RP1: variants seen among roughly 807,000 people sequenced by gnomAD.
The protein encoded by RP1 is RP1 axonemal microtubule associated.
A neutral mutation model predicts 14.8 loss-of-function variants in RP1; 16 were observed. That is an observed-to-expected ratio of 1.08 (90% confidence interval 0.73 to 1.65). RP1 has a LOEUF of 1.65. Ranked by LOEUF, RP1 falls within the 40% of genes most tolerant of loss-of-function variation. RP1 has a pLI of 0.00. For synonymous variants in RP1, 876 were observed against 883.6 expected (o/e 0.99, Z 0.15); for missense variants, 2,631 against 2,535.0 (o/e 1.04, Z -0.81).
At chr8:54,870,164 T>TA in exon 29 of RP1, 2 of 358,804 alleles carry the variant, frequency 5.6e-6, no homozygotes, top group Non-Finnish European at 9.9e-6. Context: ...GGGGTACCCA[T>TA]ACTGCTGCTG....
chr8:54,626,874 G>A lies in RP1; in HGVS notation c.2992G>A (p.Asp998Asn), dbSNP rs777757393. Residue 998 changes from aspartate to asparagine, a missense_variant, in exon 4 of 4, where the codon GAC becomes AAC. By Grantham distance (23) the Asp-to-Asn change is conservative (BLOSUM62 1). Coordinates refer to ENST00000220676, the MANE Select transcript of RP1 (RefSeq NM_006269.2). Reference protein sequence around the residue: ...KEGDKSFIANDTGEEDLHETQ... With the variant: ...KEGDKSFIANNTGEEDLHETQ... ...GGGAGATAAGTCTTTTATTGCCAAT[G>A]ACACTGGTGAAGAAGATCTCCATGA... 4 of 1,613,804 alleles carry A rather than the reference G, an allele frequency of 2.5e-6. No homozygotes were observed. In the East Asian group the frequency reaches 6.7e-5, roughly 27 times the overall value.
At position 54,833,692 on chromosome 8, in the gene RP1, C is replaced by T. The variant is rs575469353; in HGVS notation, c.3616-3758C>T. 1.7e-4 allele frequency among the ~76,000 whole-genome samples: 26 copies of T among 151,992 alleles called. No individual in the cohort carries two copies. The South Asian group carries it at 2.5e-3, about 15-fold the overall frequency. On this transcript the variant is annotated intron_variant, in intron 24 of 28. Transcript: ENST00000637698. ...CATTCACTGTTGAAAATATAGACTT[C>T]GTAATGAAATATAAGCCATATTGTT...
chr8:54,629,165 T>G lies in RP1; in HGVS notation c.5283T>G (p.Pro1761=). The G allele has an allele frequency of 6.2e-7, 1 of 1,614,146 alleles. No individual in the cohort carries two copies. The highest frequency in any genetic ancestry group is 2.2e-5 in the East Asian group (1 of 44,872). The change falls in exon 4 of 4, where the codon CCT becomes CCG. Residue 1761 remains proline (P), a synonymous_variant. Transcript: ENST00000220676. ...TGCTAAGGATGTCATCTGAAAATCC[T>G]GGCATGTGTGGCAATGCAGACACCA... ...NHLLRMSSEN[P]GMCGNADTTS... is the part of the protein sequence containing the mutation.
chr8:54,744,891 G>A (rs1002608243), intron 19 of RP1, among the ~76,000 whole-genome samples: 7 of 152,116 alleles, frequency 4.6e-5, no homozygotes, highest in African/African-American at 1.7e-4. Flanking sequence ...GGACAGGTTA[G>A]GGCCAAGGCA....
At chr8:54,760,707 AT>A (rs1179405848) in intron 22 of RP1, among the ~76,000 whole-genome samples, 3 of 152,056 alleles carry the variant, frequency 2.0e-5, no homozygotes, top group Admixed American at 1.3e-4. Context: ...GACCCCTATA[AT>A]TACCTAAACA....
At chr8:54,739,813 A>G (rs575422035) in intron 19 of RP1, among the ~76,000 whole-genome samples, 2 of 152,224 alleles carry the variant, frequency 1.3e-5, no homozygotes, top group Admixed American at 1.3e-4. Flanking sequence ...GACTGCATAT[A>G]CAATGGTGGT....
chr8:54,659,266 G>A (rs1404153030), intron 6 of RP1, among the ~76,000 whole-genome samples: 2 of 152,050 alleles, frequency 1.3e-5, no homozygotes, highest in Non-Finnish European at 1.5e-5. Flanking sequence ...TGTTGCATGT[G>A]ATTTTGGTGT....
chr8:54,771,496 T>C (rs369634792), downstream of RP1, among the ~76,000 whole-genome samples: 25 of 152,100 alleles, frequency 1.6e-4, no homozygotes, highest in African/African-American at 6.0e-4. Context: ...GGTGTTGACC[T>C]AGGACTTTGT....
intron 28 of RP1, among the ~76,000 whole-genome samples, chr8:54,869,330 G>T (rs1423612268): frequency 6.6e-6 from 1 of 152,024 alleles, no homozygotes; most frequent in Admixed American, 6.6e-5. Context: ...AAAAGAATGT[G>T]ATACAATTTT....
rs760740229 is a variant in RP1, at chr8:54,628,837, G to T, written c.4955G>T (p.Arg1652Leu). Residue 1652 changes from arginine (R) to leucine (L), a missense_variant, in exon 4 of 4, where the codon CGC becomes CTC. Transcript: ENST00000220676. ...CCATCTTTTTTTCCTGGGTCTACCC[G>T]CAAATCTCAGGTTTGTCCTTATAAT... ...IKPSFFPGST[R>L]KSQVCPYNSV... 8 of 1,613,946 alleles carry T rather than the reference G, an allele frequency of 5.0e-6. No individual in the cohort carries two copies. In the East Asian group the frequency reaches 8.9e-5, roughly 18 times the overall value.
chr8:54,653,101 A>ACT (rs1806689245), intron 5 of RP1, among the ~76,000 whole-genome samples: 1 of 152,118 alleles, frequency 6.6e-6, no homozygotes, highest in African/African-American at 2.4e-5. Context: ...AACGCCTGGG[A>ACT]CTCTGGATAA....
intron 15 of RP1, among the ~76,000 whole-genome samples, chr8:54,718,418 T>A (rs2129349651): frequency 6.6e-6 from 1 of 152,250 alleles, no homozygotes. Flanking sequence ...CCCACACAAA[T>A]ACAGTGAAGT....
At chr8:54,648,850 A>G (rs991589304) in intron 3 of RP1, 2 of 514,338 alleles carry the variant, frequency 3.9e-6, no homozygotes, top group Non-Finnish European at 6.5e-6. Flanking sequence ...ATCTTCTGTT[A>G]TGGCACTTTT....
At chr8:54,666,762 G>A (rs1807027658) in intron 7 of RP1, among the ~76,000 whole-genome samples, 1 of 151,790 alleles carries the variant, frequency 6.6e-6, no homozygotes, top group Admixed American at 6.6e-5. Context: ...TGCTTACTCT[G>A]CACTAAGTCT....
intron 1 of RP1, among the ~76,000 whole-genome samples, chr8:54,562,216 C>T (rs533699257): frequency 6.6e-6 from 1 of 152,242 alleles, no homozygotes; most frequent in African/African-American, 2.4e-5. Flanking sequence ...ACATGTAAAA[C>T]TAGTGAATAT....
chr8:54,670,669 TTTTATATATATATATA>T (rs1807154114), intron 7 of RP1, among the ~76,000 whole-genome samples: 2 of 63,546 alleles, frequency 3.1e-5, no homozygotes, highest in South Asian at 4.8e-4. Context: ...ATATATATGT[TTTTATATATATATATA>T]TATATATATA....
chr8:54,759,685 GA>G (rs1230124384), intron 22 of RP1, among the ~76,000 whole-genome samples: 1 of 152,086 alleles, frequency 6.6e-6, no homozygotes, highest in African/African-American at 2.4e-5. Flanking sequence ...GTTTTTCCAA[GA>G]AGAAGCCTGG....
chr8:54,694,463 T>G (rs368367437), intron 12 of RP1, among the ~76,000 whole-genome samples: 1 of 152,196 alleles, frequency 6.6e-6, no homozygotes. Flanking sequence ...CTCTTTTTGG[T>G]TGGTAAGCTA....
chr8:54,630,088 A>G lies in RP1; in HGVS notation c.6206A>G (p.Asn2069Ser), dbSNP rs751141065. Residue 2069 changes from asparagine (N) to serine (S), a missense_variant, in exon 4 of 4, where the codon AAC becomes AGC. Asn to Ser is a conservative substitution (Grantham distance 46). Transcript: ENST00000220676. ...NEIFKAVDEN[N>S]NLLNNRFQGS... ...ATCTTTAAAGCAGTCGATGAGAATA[A>G]CAACTTATTAAATAACAGATTCCAG... 3 of 1,613,902 alleles carry G rather than the reference A, an allele frequency of 1.9e-6. No homozygotes were observed. The South Asian group carries it at 3.3e-5, about 18-fold the overall frequency.
Sources: allele counts gnomAD v4.1 joint callset (sites outside exome capture counted in the v4.1 genomes callset), GRCh38; gene constraint gnomAD v4.1.1; transcripts MANE v1.5; gene names NCBI Gene and HGNC (gene_info 2026-07-23, HGNC 2026-07-21).